CDC73: variants seen among roughly 807,000 people sequenced by gnomAD.
CDC73 encodes the protein cell division cycle 73, also known as parafibromin.
CDC73 carries 21 observed loss-of-function variants against 83.7 expected under a neutral mutation model. That is an observed-to-expected ratio of 0.25 (90% CI 0.18 to 0.36). The LOEUF is 0.36. Among genes scored for constraint, CDC73 ranks in the 10% least tolerant of loss-of-function variants. The probability of loss-of-function intolerance (pLI) is 1.00; values close to 1 mark genes in which losing one functional copy is unlikely to be tolerated. For synonymous variants in CDC73, 224 were observed against 212.9 expected, an observed-to-expected ratio of 1.05 and a Z score of -0.45; for missense variants, 342 against 653.3, an observed-to-expected ratio of 0.52 and a Z score of 5.19.
intron 10 of CDC73, among the ~76,000 whole-genome samples, chr1:193,155,222 A>T (rs1203888004): frequency 6.6e-6 from 1 of 152,010 alleles, no homozygotes; most frequent in African/African-American, 2.4e-5. Flanking sequence ...TTATAGAAGT[A>T]AAGGCCCCAG....
At chr1:193,132,964 C>G (rs544442845) in intron 3 of CDC73, among the ~76,000 whole-genome samples, 38 of 145,586 alleles carry the variant, frequency 2.6e-4, no homozygotes, top group African/African-American at 9.7e-4. Flanking sequence ...TGCAGTGGCG[C>G]GATCTTGGCT....
Position 193,125,197 on chromosome 1 carries a change from GT to G in CDC73, c.220del (p.Tyr74MetfsTer35). 2 of 1,580,002 alleles carry G rather than the reference GT, an allele frequency of 1.3e-6. No homozygotes were observed. The highest frequency in any genetic ancestry group is 1.7e-6 in the Non-Finnish European group (2 of 1,148,870). On this transcript the variant is annotated frameshift_variant, in exon 2 of 17. Coordinates refer to ENST00000367435, the MANE Select transcript of CDC73 (RefSeq NM_024529.5). LOFTEE classifies it high-confidence loss of function. ...LLNNVHLSHP[V>X]YVRRAATENI... ...TAATAACGTGCACCTTTCTCATCCT[GT>G]TTATGTCCGACGTGCAGCTGTAAGT...
chr1:193,166,809 G>A (rs944395308), intron 10 of CDC73, among the ~76,000 whole-genome samples: 2 of 151,900 alleles, frequency 1.3e-5, no homozygotes, highest in South Asian at 4.2e-4. Context: ...CACCACGCCC[G>A]GCTATTTTGT....
intron 13 of CDC73, 124 bp downstream of exon 13, chr1:193,212,601 A>G (rs1677298724): frequency 5.2e-6 from 3 of 574,658 alleles, no homozygotes; most frequent in South Asian, 3.0e-5. Flanking sequence ...TATAGGCCTT[A>G]CACATAGTAT....
chr1:193,211,330 C>T (rs1186486173), intron 11 of CDC73, among the ~76,000 whole-genome samples: 3 of 152,246 alleles, frequency 2.0e-5, no homozygotes, highest in Admixed American at 6.5e-5. Flanking sequence ...AAAAGTAGCA[C>T]GAATTTCTTT....
At position 193,150,348 on chromosome 1, in the gene CDC73, C is replaced by T. The variant is rs149400412; in HGVS notation, c.873C>T (p.Asn291=). ...RTKQPIPAAY[N]RYDQERFKGK... ...AACAGCCTATCCCAGCTGCCTATAACAGATACGATCAGGAAAGATTCAAAG... is the reference window on the plus strand; with the variant it reads ...AACAGCCTATCCCAGCTGCCTATAATAGATACGATCAGGAAAGATTCAAAG... Residue 291 remains asparagine (N), a synonymous_variant, in exon 9 of 17, where the codon AAC becomes AAT. Coordinates refer to ENST00000367435, the MANE Select transcript of CDC73 (RefSeq NM_024529.5). 95 of 1,613,128 alleles carry T rather than the reference C, an allele frequency of 5.9e-5. 1 individual carries two copies. In the Admixed American group the frequency reaches 1.3e-3, roughly 22 times the overall value.
chr1:193,124,054 C>T (rs1431032320), intron 1 of CDC73, among the ~76,000 whole-genome samples: 1 of 152,318 alleles, frequency 6.6e-6, no homozygotes, highest in Non-Finnish European at 1.5e-5. Flanking sequence ...GAACTGTATA[C>T]TTAAAGGCTG....
chr1:193,221,251 T>G (rs1419890495), intron 13 of CDC73, among the ~76,000 whole-genome samples: 1 of 152,204 alleles, frequency 6.6e-6, no homozygotes, highest in Non-Finnish European at 1.5e-5. Flanking sequence ...GTATGTGTGT[T>G]TGTGCAACCC....
At chr1:193,184,545 A>G (rs1377489272) in intron 10 of CDC73, among the ~76,000 whole-genome samples, 1 of 151,880 alleles carries the variant, frequency 6.6e-6, no homozygotes, top group Non-Finnish European at 1.5e-5. Context: ...ATGTTACTGT[A>G]AAATGCTGTT....
chr1:193,171,173 A>G (rs769710199), intron 10 of CDC73, among the ~76,000 whole-genome samples: 8 of 152,218 alleles, frequency 5.3e-5, no homozygotes, highest in Non-Finnish European at 1.0e-4. Context: ...TCAGGGTATC[A>G]ATCTGTCTAG....
intron 14 of CDC73, among the ~76,000 whole-genome samples, chr1:193,235,695 G>A (rs1434950694): frequency 6.6e-6 from 1 of 152,168 alleles, no homozygotes; most frequent in African/African-American, 2.4e-5. Flanking sequence ...TGAAACAGTT[G>A]TAAAACAATT....
At chr1:193,171,636 G>C (rs555954860) in intron 10 of CDC73, among the ~76,000 whole-genome samples, 35 of 152,208 alleles carry the variant, frequency 2.3e-4, no homozygotes, top group African/African-American at 8.4e-4. Flanking sequence ...CTTCTCTTCT[G>C]CTGTGTTTCT....
intron 13 of CDC73, among the ~76,000 whole-genome samples, chr1:193,225,504 A>G (rs1677552447): frequency 6.6e-6 from 1 of 152,064 alleles, no homozygotes; most frequent in Admixed American, 6.5e-5. Flanking sequence ...TAGTGGTTGT[A>G]CTAGTTTACA....
intron 8 of CDC73, 67 bp downstream of exon 8, chr1:193,148,032 G>A (rs1676040133): frequency 2.0e-6 from 2 of 993,800 alleles, no homozygotes; most frequent in South Asian, 1.3e-5. Flanking sequence ...GTGTAGTAAC[G>A]TTGAAGACAT....
chr1:193,181,198 A>G, intron 10 of CDC73: 1 of 1,613,812 alleles, frequency 6.2e-7, no homozygotes, highest in Non-Finnish European at 8.5e-7. Context: ...TTCATTGTAA[A>G]TACTTCCATT....
At chr1:193,191,669 G>C (rs1253231128) in intron 10 of CDC73, among the ~76,000 whole-genome samples, 1 of 152,080 alleles carries the variant, frequency 6.6e-6, no homozygotes, top group Non-Finnish European at 1.5e-5. Flanking sequence ...TTATAGGCCT[G>C]AGCCACCACA....
chr1:193,174,393 A>G (rs1305814296), intron 10 of CDC73, among the ~76,000 whole-genome samples: 2 of 152,124 alleles, frequency 1.3e-5, no homozygotes, highest in African/African-American at 2.4e-5. Flanking sequence ...GGTAGAAACT[A>G]TGTCTTTCTT....
chr1:193,222,721 A>G (rs1677493775), intron 13 of CDC73, among the ~76,000 whole-genome samples: 1 of 149,862 alleles, frequency 6.7e-6, no homozygotes, highest in African/African-American at 2.4e-5. Context: ...ATCAGTTCTC[A>G]AAGTCTTGGT....
At chr1:193,152,906 G>A (rs1433116430) in intron 10 of CDC73, among the ~76,000 whole-genome samples, 2 of 151,962 alleles carry the variant, frequency 1.3e-5, no homozygotes, top group Non-Finnish European at 2.9e-5. Flanking sequence ...CAGCCTCTGC[G>A]AGTAGCTGGG....
Sources: allele counts gnomAD v4.1 joint callset (sites outside exome capture counted in the v4.1 genomes callset), GRCh38; gene constraint gnomAD v4.1.1; transcripts MANE v1.5; gene names NCBI Gene and HGNC (gene_info 2026-07-23, HGNC 2026-07-21).